AGXT2: variants seen among roughly 807,000 people sequenced by gnomAD.
AGXT2 encodes alanine--glyoxylate aminotransferase 2, also known as alanine--glyoxylate aminotransferase 2, mitochondrial.
AGXT2 carries 61 observed loss-of-function variants against 62.5 expected under a neutral mutation model. The observed-to-expected ratio is 0.98, with a 90% CI of 0.79 to 1.21. The LOEUF is 1.21. AGXT2 is among the 50% of genes most tolerant of loss of function. AGXT2 has a pLI of 0.00. For missense variants in AGXT2, 666 were observed against 641.5 expected (o/e 1.04, Z -0.41); for synonymous variants, 243 against 218.7 (o/e 1.11, Z -0.98).
chr5:34,998,946 A>G (rs969918239), intron 13 of AGXT2, 120 bp from the exon 14 acceptor site: 1 of 789,166 alleles, frequency 1.3e-6, no homozygotes, highest in Middle Eastern at 3.0e-4. Context: ...TGTTTCTCTC[A>G]GTTTGGTTCC....
chr5:35,004,642 G>T (rs1029383338), intron 12 of AGXT2, among the ~76,000 whole-genome samples: 1 of 152,214 alleles, frequency 6.6e-6, no homozygotes, highest in African/African-American at 2.4e-5. Flanking sequence ...ACAGATATTT[G>T]GGCCTCATGC....
intron 1 of AGXT2, among the ~76,000 whole-genome samples, chr5:35,043,015 G>A (rs1768046802): frequency 6.6e-6 from 1 of 152,142 alleles, no homozygotes; most frequent in South Asian, 2.1e-4. Context: ...GAACAGCATC[G>A]CTTTTGCATA....
chr5:35,010,183 G>C (rs1766579154), intron 11 of AGXT2, 34 bp from the exon 12 acceptor site: 3 of 1,613,476 alleles, frequency 1.9e-6, no homozygotes, highest in Non-Finnish European at 2.5e-6. Flanking sequence ...ATCTTACATG[G>C]CAGAAGTTCT....
rs777603564 is a variant in AGXT2, at chr5:35,037,067, T to C, written c.363-2A>G. On this transcript the variant is annotated splice_acceptor_variant, in intron 3 of 13. Coordinates refer to ENST00000231420, the MANE Select transcript of AGXT2 (RefSeq NM_031900.4). LOFTEE classifies it high-confidence loss of function. ...TTTTGTGCCACTGCATTCACCTTTC[T>C]GGATAAGCAGTACAGCAGAGTTACC... 1.2e-6 allele frequency: 2 copies of C among 1,614,012 alleles called. No homozygotes were observed. Among genetic ancestry groups the C allele is most frequent in the Non-Finnish European group, 8.5e-7 (1 of 1,179,984 alleles).
intron 7 of AGXT2, among the ~76,000 whole-genome samples, chr5:35,028,226 G>A (rs545272594): frequency 4.6e-5 from 7 of 152,014 alleles, no homozygotes; most frequent in Non-Finnish European, 1.0e-4. Context: ...TGCTTTGAAG[G>A]GAATGCATTT....
Position 35,025,699 on chromosome 5 carries a change from G to A in AGXT2, c.963+64C>T, listed in dbSNP as rs558944626. ...TGCCTGGAACACAGAGGAAGTTTAG[G>A]AGGTTTCTGTCTGTGCATCTCCTGT... is the stretch of plus-strand genomic sequence containing the variant. On this transcript the variant is annotated intron_variant, in intron 9 of 13. Transcript: ENST00000231420. 3 of 1,516,286 alleles carry A rather than the reference G, an allele frequency of 2.0e-6. 1 individual carries two copies. The South Asian group carries it at 3.4e-5, about 17-fold the overall frequency. 93.9% of individuals were successfully genotyped at this position (1,516,286 alleles called of 1,614,324 possible). A position where few individuals can be genotyped will look rare whatever the true frequency, so the allele number is the denominator to read the frequency against.
Position 35,025,730 on chromosome 5 carries a change from C to T in AGXT2, c.963+33G>A, listed in dbSNP as rs562750368. On this transcript the variant is annotated intron_variant, in intron 9 of 13. Coordinates refer to ENST00000231420, the MANE Select transcript of AGXT2 (RefSeq NM_031900.4). ...TCTGTCTGTGCATCTCCTGTTCCCA[C>T]TGCACTCAATGGCACCCTTACATGC... 42 of 1,604,572 alleles carry T rather than the reference C, an allele frequency of 2.6e-5. No individual in the cohort carries two copies. In the South Asian group the frequency reaches 3.4e-4, roughly 13 times the overall value.
chr5:35,037,480 G>A (rs909018447), intron 3 of AGXT2, among the ~76,000 whole-genome samples: 1 of 152,136 alleles, frequency 6.6e-6, no homozygotes, highest in Non-Finnish European at 1.5e-5. Context: ...TCAAGCACAT[G>A]TATGCCAGAT....
Position 35,025,834 on chromosome 5 carries a change from A to G in AGXT2, c.892T>C (p.Tyr298His), listed in dbSNP as rs1402613316. ...GCTTCCTTTAGAAACCCCTTTGGGT[A>G]CTGGACAACTCCATTCACACCCTGC... ...PIQGVNGVVQ[Y>H]PKGFLKEAFE... is the part of the protein sequence containing the mutation. The change falls in exon 9 of 14, where the codon TAC becomes CAC. Residue 298 changes from tyrosine to histidine, a missense_variant. Physicochemically the swap from Tyr to His is moderately conservative, Grantham distance 83. Coordinates refer to ENST00000231420, the MANE Select transcript of AGXT2 (RefSeq NM_031900.4). The G allele has an allele frequency of 6.2e-7, 1 of 1,614,132 alleles. No individual in the cohort carries two copies. Among genetic ancestry groups the G allele is most frequent in the East Asian group, 2.2e-5 (1 of 44,880 alleles).
Position 35,020,590 on chromosome 5 carries a change from A to T in AGXT2, c.963+5173T>A, listed in dbSNP as rs929665565. ...GACGTATTTCAAAATAATAAGAGGT[A>T]TCTATGACAAACCCACAGCCAATAT... is the stretch of plus-strand genomic sequence containing the variant. On this transcript the variant is annotated intron_variant, in intron 9 of 13. Transcript: ENST00000231420. 5.0e-4 allele frequency among the ~76,000 whole-genome samples: 76 copies of T among 152,342 alleles called. 1 individual carries two copies. The highest frequency in any genetic ancestry group is 1.7e-3 in the African/African-American group (70 of 41,572).
chr5:35,003,305 T>C (rs1183767091), intron 13 of AGXT2, among the ~76,000 whole-genome samples: 1 of 152,106 alleles, frequency 6.6e-6, no homozygotes, highest in African/African-American at 2.4e-5. Context: ...GTCGTGTTGC[T>C]CCCAGCCACA....
chr5:35,047,444 A>G (rs1388925161), intron 1 of AGXT2, among the ~76,000 whole-genome samples: 8 of 152,208 alleles, frequency 5.3e-5, no homozygotes, highest in Admixed American at 5.2e-4. Context: ...CCCTGTCTCA[A>G]AAAAGAAAAA....
chr5:35,026,456 G>A lies in AGXT2; in HGVS notation c.824C>T (p.Thr275Ile), dbSNP rs766805931. The A allele has an allele frequency of 1.9e-5, 31 of 1,614,132 alleles. No homozygotes were observed. The highest frequency in any genetic ancestry group is 5.0e-5 in the Admixed American group (3 of 60,028). Residue 275 changes from threonine (T) to isoleucine (I), a missense_variant, in exon 8 of 14, where the codon ACA becomes ATA. Transcript: ENST00000231420. ...TCCAGCAATTGACTTGGCCACAGAT[G>A]TGCTCAGCGTATCTTTGAATTGCTC... ...YIEQFKDTLS[T>I]SVAKSIAGFF...
intron 11 of AGXT2, 104 bp downstream of exon 11, chr5:35,012,850 C>T (rs1766696109): frequency 1.9e-6 from 2 of 1,033,120 alleles, no homozygotes; most frequent in East Asian, 2.6e-5. Context: ...TGAATTAACT[C>T]TCCCCTTTAA....
intron 8 of AGXT2, 108 bp downstream of exon 8, chr5:35,026,302 G>T: frequency 1.1e-6 from 1 of 901,288 alleles, no homozygotes; most frequent in Non-Finnish European, 1.8e-6. Flanking sequence ...ATTTAGAGAG[G>T]GACACAGTGA....
chr5:35,019,919 C>T (rs1309907825), intron 9 of AGXT2, among the ~76,000 whole-genome samples: 1 of 152,140 alleles, frequency 6.6e-6, no homozygotes, highest in Non-Finnish European at 1.5e-5. Flanking sequence ...GAAATACAAA[C>T]TACCATCAGA....
intron 13 of AGXT2, among the ~76,000 whole-genome samples, chr5:34,999,416 C>T (rs184259855): frequency 3.5e-4 from 54 of 152,276 alleles, no homozygotes; most frequent in African/African-American, 1.1e-3. Flanking sequence ...GAAGTAGGCT[C>T]ACACTTGCCC....
chr5:35,015,910 A>G (rs1766835037), intron 9 of AGXT2, among the ~76,000 whole-genome samples: 1 of 151,154 alleles, frequency 6.6e-6, no homozygotes, highest in Non-Finnish European at 1.5e-5. Flanking sequence ...TCTCATTTTC[A>G]AGGACAGATT....
At chr5:35,037,941 A>G (rs1381563964) in intron 3 of AGXT2, among the ~76,000 whole-genome samples, 1 of 151,978 alleles carries the variant, frequency 6.6e-6, no homozygotes, top group Non-Finnish European at 1.5e-5. Context: ...CTTGCTGTAA[A>G]GGACATTAAT....
Sources: gnomAD v4.1 joint callset for allele counts (sites outside exome capture counted in the v4.1 genomes callset) on GRCh38, gnomAD v4.1.1 for gene constraint, MANE v1.5 for transcripts, NCBI Gene and HGNC (gene_info 2026-07-23, HGNC 2026-07-21) for gene names.